The following SH3BGRL2 variants were observed in gnomAD, a reference collection of about 807,000 sequenced individuals.
The protein encoded by SH3BGRL2 is SH3 domain-binding glutamic acid-rich-like protein 2.
In SH3BGRL2, 21 loss-of-function variants were observed where a neutral mutation model predicts 14.8. The observed-to-expected ratio is 1.42, with a 90% CI of 1.01 to 2.05. The LOEUF (loss-of-function observed/expected upper bound fraction) is 2.05. Among genes scored for constraint, SH3BGRL2 ranks in the 30% most tolerant of loss-of-function variants. The pLI, the probability that SH3BGRL2 is intolerant of heterozygous loss-of-function variation, is 0.00. For synonymous variants in SH3BGRL2, 50 were observed against 47.8 expected (o/e 1.05, Z -0.19); for missense variants, 147 against 130.8 (o/e 1.12, Z -0.61).
the SH3BGRL2 span, among the ~76,000 whole-genome samples, chr6:79,550,170 TGTTAA>T: frequency 6.6e-6 from 1 of 152,142 alleles, no homozygotes; most frequent in African/African-American, 2.4e-5. Flanking sequence ...GTGGGTTTGC[TGTTAA>T]GTTTCATAAA....
the SH3BGRL2 span, among the ~76,000 whole-genome samples, chr6:79,588,305 A>AAG: frequency 1.5e-4 from 22 of 151,024 alleles, no homozygotes; most frequent in South Asian, 2.5e-3. Context: ...AAAAAAAAAA[A>AAG]AACTGGGCTA....
the SH3BGRL2 span, among the ~76,000 whole-genome samples, chr6:79,604,560 C>A: frequency 4.6e-5 from 7 of 152,350 alleles, no homozygotes; most frequent in African/African-American, 1.7e-4. Flanking sequence ...CCTAATCCAT[C>A]TTCCTGGGGG....
intron 2 of SH3BGRL2, among the ~76,000 whole-genome samples, chr6:79,686,738 G>A (rs1181269813): frequency 6.6e-6 from 1 of 152,052 alleles, no homozygotes; most frequent in Non-Finnish European, 1.5e-5. Context: ...AGTTCTAGTT[G>A]TTAGTTTTTG....
At chr6:79,595,403 G>A in the SH3BGRL2 span, among the ~76,000 whole-genome samples, 24,082 of 152,190 alleles carry the variant, frequency 0.16, 2,147 homozygotes, top group South Asian at 0.22. Context: ...AAGATATTCG[G>A]CTATATTAAA....
the SH3BGRL2 span, among the ~76,000 whole-genome samples, chr6:79,618,760 A>G: frequency 2.0e-5 from 3 of 151,708 alleles, no homozygotes; most frequent in African/African-American, 7.3e-5. Flanking sequence ...CTCTACTACA[A>G]ATACAAAAAT....
At chr6:79,637,057 G>A (rs1768938907) in intron 1 of SH3BGRL2, among the ~76,000 whole-genome samples, 1 of 152,120 alleles carries the variant, frequency 6.6e-6, no homozygotes, top group Admixed American at 6.6e-5. Flanking sequence ...CATTTAATTG[G>A]AAAGACTGGG....
chr6:79,564,559 A>C, the SH3BGRL2 span, among the ~76,000 whole-genome samples: 2 of 152,162 alleles, frequency 1.3e-5, no homozygotes, highest in African/African-American at 2.4e-5. Context: ...CCAAGTTAGT[A>C]TGCTTTCCAA....
the SH3BGRL2 span, among the ~76,000 whole-genome samples, chr6:79,612,982 C>T: frequency 5.9e-5 from 9 of 152,170 alleles, no homozygotes; most frequent in South Asian, 4.1e-4. Flanking sequence ...CAGAGACACT[C>T]GACTGCTGAC....
chr6:79,581,320 A>G, the SH3BGRL2 span, among the ~76,000 whole-genome samples: 2 of 152,096 alleles, frequency 1.3e-5, no homozygotes, highest in African/African-American at 4.8e-5. Context: ...ACCAAAGCCC[A>G]GCAGAGACAC....
chr6:79,598,996 G>T, the SH3BGRL2 span, among the ~76,000 whole-genome samples: 1 of 150,296 alleles, frequency 6.7e-6, no homozygotes, highest in Non-Finnish European at 1.5e-5. Flanking sequence ...CAGGAGAATC[G>T]CTTGAACCTG....
the SH3BGRL2 span, among the ~76,000 whole-genome samples, chr6:79,555,073 G>A: frequency 7.2e-5 from 11 of 152,018 alleles, no homozygotes; most frequent in Non-Finnish European, 8.8e-5. Flanking sequence ...AAAGGAAAAC[G>A]GAATAATTTA....
the SH3BGRL2 span, among the ~76,000 whole-genome samples, chr6:79,568,600 T>C: frequency 6.6e-6 from 1 of 152,162 alleles, no homozygotes; most frequent in East Asian, 1.9e-4. Context: ...TGATAACCCA[T>C]AGCTCAAGAT....
chr6:79,682,521 T>A (rs1035021121), intron 2 of SH3BGRL2, among the ~76,000 whole-genome samples: 1 of 152,132 alleles, frequency 6.6e-6, no homozygotes, highest in South Asian at 2.1e-4. Flanking sequence ...TGAGCCTCCA[T>A]AAATGGTGAG....
chr6:79,586,235 C>CTTTTTTTT, the SH3BGRL2 span, among the ~76,000 whole-genome samples: 10 of 54,964 alleles, frequency 1.8e-4, no homozygotes, highest in Admixed American at 3.2e-4. Flanking sequence ...GTATGGACTT[C>CTTTTTTTT]TTTTTTTTTT....
At chr6:79,601,621 G>A in the SH3BGRL2 span, among the ~76,000 whole-genome samples, 1 of 152,132 alleles carries the variant, frequency 6.6e-6, no homozygotes, top group African/African-American at 2.4e-5. Context: ...AATGTGATCA[G>A]TTTTATGTAT....
At chr6:79,623,827 T>C in the SH3BGRL2 span, among the ~76,000 whole-genome samples, 1 of 152,188 alleles carries the variant, frequency 6.6e-6, no homozygotes, top group Non-Finnish European at 1.5e-5. Flanking sequence ...AAAAGAATAA[T>C]AAAAATAATT....
At chr6:79,625,493 G>T in the SH3BGRL2 span, among the ~76,000 whole-genome samples, 1 of 151,804 alleles carries the variant, frequency 6.6e-6, no homozygotes, top group Non-Finnish European at 1.5e-5. Context: ...CTTAATTATG[G>T]CCTCTAAACT....
intron 3 of SH3BGRL2, among the ~76,000 whole-genome samples, chr6:79,698,442 C>T (rs1286726562): frequency 1.3e-5 from 2 of 152,140 alleles, no homozygotes; most frequent in African/African-American, 4.8e-5. Context: ...TTCTCTTTTC[C>T]TTTCCTACTC....
chr6:79,583,160 A>G, the SH3BGRL2 span, among the ~76,000 whole-genome samples: 1 of 152,218 alleles, frequency 6.6e-6, no homozygotes, highest in Non-Finnish European at 1.5e-5. Flanking sequence ...GTGGAGAAAT[A>G]GGAATGCTTT....
Sources: gnomAD v4.1 joint callset for allele counts (sites outside exome capture counted in the v4.1 genomes callset) on GRCh38, gnomAD v4.1.1 for gene constraint, MANE v1.5 for transcripts, NCBI Gene and HGNC (gene_info 2026-07-23, HGNC 2026-07-21) for gene names.